The following CLIP2 variants were observed in gnomAD, a reference collection of about 807,000 sequenced individuals.
CLIP2 encodes the protein CAP-Gly domain containing linker protein 2.
Under a neutral mutation model 111.7 loss-of-function variants are expected in CLIP2, and 41 were observed. The observed-to-expected ratio is 0.37, with a 90% CI of 0.29 to 0.48. The LOEUF (loss-of-function observed/expected upper bound fraction) is 0.48, where lower values mean the gene tolerates loss of function less well. Among genes scored for constraint, CLIP2 ranks in the 20% least tolerant of loss-of-function variants. The pLI, the probability that CLIP2 is intolerant of heterozygous loss-of-function variation, is 0.99. For synonymous variants in CLIP2, 660 were observed against 644.2 expected (o/e 1.02, Z -0.37); for missense variants, 1,160 against 1,422.1 (o/e 0.82, Z 2.96).
At chr7:74,324,083 C>T (rs1789048709) in intron 2 of CLIP2, among the ~76,000 whole-genome samples, 1 of 152,060 alleles carries the variant, frequency 6.6e-6, no homozygotes, top group South Asian at 2.1e-4. Flanking sequence ...ACTTCTGCCC[C>T]CTGGGTTCAA....
At chr7:74,314,361 G>C (rs1788715015) in intron 1 of CLIP2, among the ~76,000 whole-genome samples, 1 of 152,000 alleles carries the variant, frequency 6.6e-6, no homozygotes, top group African/African-American at 2.4e-5. Flanking sequence ...CATGGTGGCA[G>C]ATATCTGTAG....
At position 74,356,473 on chromosome 7, in the gene CLIP2, C is replaced by T; in HGVS notation, c.867C>T (p.Gly289=). ...FAPIHKVIRI[G]FPSTSPAKAK... ...CCATCCACAAAGTGATCCGTATCGGCTTCCCATCTACCAGCCCAGCCAAGG... is the reference window on the plus strand; with the variant it reads ...CCATCCACAAAGTGATCCGTATCGGTTTCCCATCTACCAGCCCAGCCAAGG... The change falls in exon 5 of 17, where the codon GGC becomes GGT. Residue 289 remains glycine (G), a synonymous_variant. Coordinates refer to ENST00000223398, the MANE Select transcript of CLIP2 (RefSeq NM_003388.5). 1 of 1,614,234 alleles carries T rather than the reference C, an allele frequency of 6.2e-7. No individual in the cohort carries two copies. Among genetic ancestry groups the T allele is most frequent in the Non-Finnish European group, 8.5e-7 (1 of 1,180,050 alleles).
At chr7:74,326,697 C>G (rs577443521) in intron 2 of CLIP2, among the ~76,000 whole-genome samples, 15 of 151,188 alleles carry the variant, frequency 9.9e-5, no homozygotes, top group African/African-American at 3.6e-4. Flanking sequence ...AGTACAGTGG[C>G]GCAATCTCGA....
At chr7:74,334,422 G>T (rs975320435) in intron 2 of CLIP2, among the ~76,000 whole-genome samples, 38 of 152,194 alleles carry the variant, frequency 2.5e-4, no homozygotes, top group Non-Finnish European at 5.0e-4. Context: ...CTGAGGGTCC[G>T]CCTGGGCCCG....
At chr7:74,303,680 G>A (rs1554727233) in intron 1 of CLIP2, among the ~76,000 whole-genome samples, 1 of 151,104 alleles carries the variant, frequency 6.6e-6, no homozygotes, top group East Asian at 1.9e-4. Context: ...GGGAGGTGAA[G>A]GCAGGCGGAT....
At chr7:74,342,280 G>T (rs1333611770) in intron 3 of CLIP2, among the ~76,000 whole-genome samples, 2 of 152,124 alleles carry the variant, frequency 1.3e-5, no homozygotes, top group South Asian at 2.1e-4. Flanking sequence ...GGAGGTTGAG[G>T]CAGGAGAATC....
At chr7:74,329,117 G>A (rs1554730992) in intron 2 of CLIP2, among the ~76,000 whole-genome samples, 1 of 133,588 alleles carries the variant, frequency 7.5e-6, no homozygotes, top group Non-Finnish European at 1.6e-5. Flanking sequence ...TAGTAGAGAC[G>A]AGGTTTCACT....
chr7:74,387,796 C>T (rs1213451338), intron 12 of CLIP2, among the ~76,000 whole-genome samples: 1 of 152,214 alleles, frequency 6.6e-6, no homozygotes, highest in Non-Finnish European at 1.5e-5. Flanking sequence ...CAAGCAGCTG[C>T]TGTGCTTGGC....
chr7:74,397,283 G>A (rs782628436), intron 14 of CLIP2, 50 bp downstream of exon 14: 5 of 1,576,774 alleles, frequency 3.2e-6, no homozygotes, highest in Non-Finnish European at 4.3e-6. Flanking sequence ...TCCGGGTGGG[G>A]CTGGGCTAGC....
chr7:74,378,543 C>T (rs932038540), intron 10 of CLIP2, among the ~76,000 whole-genome samples: 1 of 151,964 alleles, frequency 6.6e-6, no homozygotes, highest in Non-Finnish European at 1.5e-5. Flanking sequence ...AGTTTGAGAC[C>T]AGCCTGGACA....
At position 74,404,005 on chromosome 7, in the gene CLIP2, C is replaced by T. The variant is rs112057972; in HGVS notation, c.*157C>T. On this transcript the variant is annotated 3_prime_UTR_variant, in exon 17 of 17. Coordinates refer to ENST00000223398, the MANE Select transcript of CLIP2 (RefSeq NM_003388.5). The stretch of plus-strand genomic sequence containing the variant: ...CACCGCCGCGGACAATCCCCCACCC[C>T]GATCCCTCGCCAGACCAGGACGCTT... 53 of 787,238 alleles carry T rather than the reference C, an allele frequency of 6.7e-5. No homozygotes were observed. Among genetic ancestry groups the T allele is most frequent in the Non-Finnish European group, 1.0e-4 (48 of 460,804 alleles). The allele number at this position is 787,238 out of a possible 1,614,324, so 48.8% of individuals were successfully genotyped here.
intron 3 of CLIP2, among the ~76,000 whole-genome samples, chr7:74,342,225 A>T (rs1349243737): frequency 3.3e-5 from 5 of 151,842 alleles, no homozygotes; most frequent in African/African-American, 1.2e-4. Flanking sequence ...AAAATACAAA[A>T]ATTAGCCGGA....
intron 16 of CLIP2, 71 bp from the exon 17 acceptor site, chr7:74,403,766 A>T: frequency 6.5e-7 from 1 of 1,549,654 alleles, no homozygotes; most frequent in Non-Finnish European, 8.9e-7. Context: ...TTCCTCCCTG[A>T]CTCCCCTCTG....
Position 74,376,639 on chromosome 7 carries a change from G to T in CLIP2, c.2238G>T (p.Ala746=), listed in dbSNP as rs146488093. ...TGGACGTGGAGTACCGGGGCCAGGC[G>T]CAGGCTATCGAGTTCCTCAAGGAGC... is the stretch of plus-strand genomic sequence containing the variant. ...EKLDVEYRGQ[A]QAIEFLKEQI... is the part of the protein sequence containing the mutation. The change falls in exon 10 of 17, where the codon GCG becomes GCT. Residue 746 remains alanine (A), a synonymous_variant. Transcript: ENST00000223398. The surrounding 1 kb of genome is among the most constrained non-coding windows in gnomAD (Gnocchi z 7.1). 10 of 1,613,464 alleles carry T rather than the reference G, an allele frequency of 6.2e-6. No individual in the cohort carries two copies. The highest frequency in any genetic ancestry group is 1.3e-5 in the African/African-American group (1 of 75,052).
chr7:74,347,475 G>A (rs373549563), intron 3 of CLIP2, among the ~76,000 whole-genome samples: 139 of 152,122 alleles, frequency 9.1e-4, no homozygotes, highest in Non-Finnish European at 1.0e-3. Context: ...TCACTGTGTT[G>A]GCCAGGCTGG....
At chr7:74,316,349 A>G (rs1319149683) in intron 1 of CLIP2, among the ~76,000 whole-genome samples, 1 of 151,980 alleles carries the variant, frequency 6.6e-6, no homozygotes, top group African/African-American at 2.4e-5. Flanking sequence ...GGCTCAAAAA[A>G]TCCTCCCACC....
At chr7:74,309,655 C>T (rs1270904719) in intron 1 of CLIP2, among the ~76,000 whole-genome samples, 1 of 148,234 alleles carries the variant, frequency 6.7e-6, no homozygotes, top group Non-Finnish European at 1.5e-5. Flanking sequence ...GTCAGGAGTT[C>T]GAAACCAGCC....
chr7:74,295,944 G>A (rs782086152), intron 1 of CLIP2, among the ~76,000 whole-genome samples: 3 of 144,520 alleles, frequency 2.1e-5, no homozygotes, highest in Non-Finnish European at 4.5e-5. Flanking sequence ...AGCTATGATC[G>A]TGCCACTGCA....
At chr7:74,334,267 G>T (rs782230614) in intron 2 of CLIP2, among the ~76,000 whole-genome samples, 1 of 152,192 alleles carries the variant, frequency 6.6e-6, no homozygotes, top group Non-Finnish European at 1.5e-5. Context: ...GGGGGCAGCC[G>T]AGAGTCCCAC....
Sources: allele counts gnomAD v4.1 joint callset (sites outside exome capture counted in the v4.1 genomes callset), GRCh38; gene constraint gnomAD v4.1.1; non-coding constraint Gnocchi (gnomAD v3.1); transcripts MANE v1.5; gene names NCBI Gene and HGNC (gene_info 2026-07-23, HGNC 2026-07-21).